Variants in ADGRL4 observed in about 807,000 individuals in gnomAD.
The protein encoded by ADGRL4 is adhesion G protein-coupled receptor L4.
In ADGRL4, 90 loss-of-function variants were observed where a neutral mutation model predicts 74.8. The observed-to-expected ratio is 1.20, with a 90% CI of 1.02 to 1.43. ADGRL4 has a LOEUF of 1.43. Among genes scored for constraint, ADGRL4 ranks in the 40% most tolerant of loss-of-function variants. The pLI, the probability that ADGRL4 is intolerant of heterozygous loss-of-function variation, is 0.00. For missense variants in ADGRL4, 881 were observed against 814.3 expected, an observed-to-expected ratio of 1.08 and a Z score of -1.00; for synonymous variants, 311 against 279.2, an observed-to-expected ratio of 1.11 and a Z score of -1.14.
chr1:78,969,360 A>G (rs1650123772), intron 2 of ADGRL4, among the ~76,000 whole-genome samples: 1 of 152,200 alleles, frequency 6.6e-6, no homozygotes. Context: ...CAGAGCTGAT[A>G]AAAGCCTCTT....
chr1:78,964,982 G>T (rs780711542), intron 2 of ADGRL4, among the ~76,000 whole-genome samples: 3 of 151,298 alleles, frequency 2.0e-5, no homozygotes, highest in African/African-American at 7.3e-5. Context: ...ATGTTCTGTA[G>T]AATTGTTTTT....
At chr1:78,926,382 T>G (rs1649114613) in intron 8 of ADGRL4, among the ~76,000 whole-genome samples, 2 of 152,002 alleles carry the variant, frequency 1.3e-5, no homozygotes, top group Non-Finnish European at 2.9e-5. Context: ...TGTATGAGTC[T>G]GAAAAATGAT....
chr1:78,969,703 G>A (rs1049294916), intron 2 of ADGRL4, among the ~76,000 whole-genome samples: 1 of 116,348 alleles, frequency 8.6e-6, no homozygotes, highest in Non-Finnish European at 1.8e-5. Flanking sequence ...ATGATGATTT[G>A]TGGGTTTTTT....
At position 78,937,922 on chromosome 1, in the gene ADGRL4, C is replaced by T. The variant is rs1386246926; in HGVS notation, c.645G>A (p.Val215=). The change falls in exon 6 of 15, where the codon GTG becomes GTA. Residue 215 remains valine, a synonymous_variant. Coordinates refer to ENST00000370742, the MANE Select transcript of ADGRL4 (RefSeq NM_022159.4). The stretch of plus-strand genomic sequence containing the variant: ...TTGTAAGATGTGTTCTCCTATGATT[C>T]ACAGATAACTTGTCCCAAACTACAA... ...DTFVVWDKLS[V]NHRRTHLTKL... is the part of the protein sequence containing the mutation. 1 of 1,613,940 alleles carries T rather than the reference C, an allele frequency of 6.2e-7. No homozygotes were observed. The highest frequency in any genetic ancestry group is 8.5e-7 in the Non-Finnish European group (1 of 1,179,922).
intron 2 of ADGRL4, among the ~76,000 whole-genome samples, chr1:78,957,859 G>A (rs1047973588): frequency 1.3e-5 from 2 of 152,162 alleles, no homozygotes; most frequent in Non-Finnish European, 2.9e-5. Flanking sequence ...GAGAGGAGAA[G>A]TCAATGCCTG....
chr1:78,890,379 G>A lies in ADGRL4; in HGVS notation c.*775C>T, dbSNP rs930626857. Reference sequence around the variant, plus strand: ...TATCTTGACACATTTATATTTTACTGATTAACTATCCAAAGTCACAATCTG... The same window carrying A: ...TATCTTGACACATTTATATTTTACTAATTAACTATCCAAAGTCACAATCTG... On this transcript the variant is annotated 3_prime_UTR_variant, in exon 15 of 15. Transcript: ENST00000370742. 6.6e-6 allele frequency: 1 copy of A among 151,082 alleles called. No individual in the cohort carries two copies. The highest frequency in any genetic ancestry group is 2.4e-5 in the African/African-American group (1 of 41,120). The allele number at this position is 151,082 out of a possible 1,614,324, so 9.4% of individuals were successfully genotyped here.
intron 2 of ADGRL4, among the ~76,000 whole-genome samples, chr1:78,972,461 C>T (rs760992996): frequency 1.3e-5 from 2 of 152,062 alleles, no homozygotes; most frequent in African/African-American, 2.4e-5. Flanking sequence ...ATAATAAAAT[C>T]CGAAACATGA....
chr1:78,945,312 G>A (rs1042855110), intron 3 of ADGRL4, among the ~76,000 whole-genome samples: 2 of 151,412 alleles, frequency 1.3e-5, no homozygotes, highest in Admixed American at 6.6e-5. Flanking sequence ...TATGTTGCAT[G>A]TAGGTTCCTG....
At chr1:79,005,642 A>G (rs1281256259) in intron 1 of ADGRL4, among the ~76,000 whole-genome samples, 2 of 152,170 alleles carry the variant, frequency 1.3e-5, no homozygotes, top group African/African-American at 4.8e-5. Context: ...TAAATTGAGT[A>G]TTCAGGTTTT....
At chr1:78,903,085 T>G (rs1251262510) in intron 12 of ADGRL4, among the ~76,000 whole-genome samples, 1 of 152,188 alleles carries the variant, frequency 6.6e-6, no homozygotes, top group African/African-American at 2.4e-5. Context: ...ACTTAAAATA[T>G]GAATGACACT....
At chr1:78,898,360 G>A (rs1165127073) in intron 12 of ADGRL4, among the ~76,000 whole-genome samples, 1 of 152,072 alleles carries the variant, frequency 6.6e-6, no homozygotes, top group Admixed American at 6.6e-5. Flanking sequence ...CTTTTCAAAT[G>A]AGATGCACTT....
intron 2 of ADGRL4, among the ~76,000 whole-genome samples, chr1:78,959,577 G>A (rs558713206): frequency 6.6e-6 from 1 of 152,276 alleles, no homozygotes; most frequent in African/African-American, 2.4e-5. Context: ...TAGGCAAAAT[G>A]TCAGAACATT....
At chr1:78,968,040 T>G (rs1248311224) in intron 2 of ADGRL4, among the ~76,000 whole-genome samples, 2 of 152,154 alleles carry the variant, frequency 1.3e-5, no homozygotes, top group Non-Finnish European at 2.9e-5. Context: ...TTTAGGTACA[T>G]GAGATTGCCA....
chr1:78,960,737 T>C (rs528757739), intron 2 of ADGRL4, among the ~76,000 whole-genome samples: 1 of 152,140 alleles, frequency 6.6e-6, no homozygotes, highest in Non-Finnish European at 1.5e-5. Flanking sequence ...ATGGAATTAG[T>C]GCCCTTACAA....
Position 78,926,966 on chromosome 1 carries a change from C to A in ADGRL4, c.1003G>T (p.Val335Leu), listed in dbSNP as rs1649128261. The A allele has an allele frequency of 6.2e-7, 1 of 1,612,016 alleles. No individual in the cohort carries two copies. The highest frequency in any genetic ancestry group is 8.5e-7 in the Non-Finnish European group (1 of 1,178,828). ...SEEEERVISS[V>L]ISVSMSSNPP... ...TTTGAGCTCATTGAGACTGAAATTA[C>A]TGAAGATATGACTCTTTCCTCCTCT... Residue 335 changes from valine to leucine, a missense_variant, in exon 8 of 15, where the codon GTA (valine) becomes TTA (leucine). By Grantham distance (32) the Val-to-Leu change is conservative (BLOSUM62 1). Coordinates refer to ENST00000370742, the MANE Select transcript of ADGRL4 (RefSeq NM_022159.4).
At position 79,006,614 on chromosome 1, in the gene ADGRL4, AG is replaced by A; in HGVS notation, c.22+18del. 4.6e-6 allele frequency: 7 copies of A among 1,535,818 alleles called. No homozygotes were observed. The highest frequency in any genetic ancestry group is 5.3e-6 in the Non-Finnish European group (6 of 1,141,222). ...GGTCCCTCCGACGACCTCGGCGACCAGGGGCGCTGAGCACTCACCTAGGAGC... is the reference window on the plus strand; with the variant it reads ...GGTCCCTCCGACGACCTCGGCGACCAGGGCGCTGAGCACTCACCTAGGAGC... On this transcript the variant is annotated intron_variant, in intron 1 of 14. Transcript: ENST00000370742.
intron 3 of ADGRL4, among the ~76,000 whole-genome samples, chr1:78,944,930 TGA>T (rs1649563885): frequency 1.3e-5 from 2 of 152,012 alleles, no homozygotes; most frequent in African/African-American, 4.8e-5. Flanking sequence ...TTTGAGAGGC[TGA>T]GGTGGGCAGA....
intron 4 of ADGRL4, 26 bp from the exon 5 acceptor site, chr1:78,938,305 G>C (rs906178277): frequency 6.6e-7 from 1 of 1,523,666 alleles, no homozygotes; most frequent in Non-Finnish European, 8.8e-7. Flanking sequence ...TCCAGAAAAA[G>C]GAAACTAAAT....
intron 3 of ADGRL4, among the ~76,000 whole-genome samples, chr1:78,940,532 G>A (rs984829743): frequency 1.3e-5 from 2 of 152,002 alleles, no homozygotes; most frequent in Admixed American, 1.3e-4. Flanking sequence ...TATAAGTACA[G>A]TATAAATAAT....
Sources: allele counts gnomAD v4.1 joint callset (sites outside exome capture counted in the v4.1 genomes callset), GRCh38; gene constraint gnomAD v4.1.1; transcripts MANE v1.5; gene names NCBI Gene and HGNC (gene_info 2026-07-23, HGNC 2026-07-21).